TARS1: variants seen among roughly 807,000 people sequenced by gnomAD.
The protein encoded by TARS1 is threonyl-tRNA synthetase 1.
Under a neutral mutation model 97.7 loss-of-function variants are expected in TARS1, and 57 were observed. The observed-to-expected ratio is 0.58, with a 90% CI of 0.47 to 0.73. The LOEUF (loss-of-function observed/expected upper bound fraction) is 0.73. Ranked by LOEUF, TARS1 falls within the 30% of genes least tolerant of loss-of-function variation. The pLI is 0.00. For synonymous variants in TARS1, 312 were observed against 293.7 expected, an observed-to-expected ratio of 1.06 and a Z score of -0.64; for missense variants, 806 against 888.3, an observed-to-expected ratio of 0.91 and a Z score of 1.18.
At chr5:33,458,864 G>A (rs1231200474) in intron 10 of TARS1, among the ~76,000 whole-genome samples, 200 bp downstream of exon 10, 2 of 152,172 alleles carry the variant, frequency 1.3e-5, no homozygotes, top group Non-Finnish European at 2.9e-5. Context: ...TGAGCTTGAA[G>A]GGGGACCTGT....
chr5:33,461,561 A>G (rs1742292548), intron 13 of TARS1, 106 bp from the exon 14 acceptor site: 5 of 1,191,086 alleles, frequency 4.2e-6, no homozygotes, highest in Admixed American at 2.2e-5. Flanking sequence ...TCTAAAGCAG[A>G]GAATATTGAT....
upstream of TARS1, chr5:33,440,947 G>C: frequency 1.1e-6 from 1 of 914,554 alleles, no homozygotes; most frequent in Non-Finnish European, 1.7e-6. Context: ...AGTTGGGGGC[G>C]GGGTTAGGGC....
At chr5:33,443,390 A>G (rs1648891345) in intron 1 of TARS1, among the ~76,000 whole-genome samples, 1 of 149,652 alleles carries the variant, frequency 6.7e-6, no homozygotes, top group South Asian at 2.1e-4. Flanking sequence ...GCAAATGGTC[A>G]AAACCAAAAT....
At chr5:33,464,935 G>A (rs750498453) in intron 17 of TARS1, among the ~76,000 whole-genome samples, 7 of 152,100 alleles carry the variant, frequency 4.6e-5, no homozygotes, top group Admixed American at 3.3e-4. Context: ...GCGCAGTGGC[G>A]GGCACCTGTA....
chr5:33,452,642 C>G (rs1285950144), intron 3 of TARS1, among the ~76,000 whole-genome samples: 4 of 151,952 alleles, frequency 2.6e-5, no homozygotes, highest in Non-Finnish European at 5.9e-5. Context: ...TTCATTTTAC[C>G]TCTATATTTG....
chr5:33,442,437 A>G (rs1741156976), intron 1 of TARS1, among the ~76,000 whole-genome samples: 1 of 148,506 alleles, frequency 6.7e-6, no homozygotes, highest in African/African-American at 2.5e-5. Flanking sequence ...ACACATATGT[A>G]ATTTTTCCTT....
intron 1 of TARS1, among the ~76,000 whole-genome samples, chr5:33,444,471 T>C (rs10941055): frequency 0.51 from 77,607 of 152,092 alleles, 21,084 homozygotes; most frequent in East Asian, 0.75. Context: ...TTAAAATCCC[T>C]GTTTACATTC....
intron 2 of TARS1, among the ~76,000 whole-genome samples, chr5:33,446,938 T>C (rs1293418534): frequency 1.3e-5 from 2 of 152,156 alleles, no homozygotes; most frequent in African/African-American, 4.8e-5. Flanking sequence ...TGAAAAGCTC[T>C]CAACAACTGA....
At chr5:33,444,359 C>T (rs1741303900) in intron 1 of TARS1, among the ~76,000 whole-genome samples, 1 of 152,146 alleles carries the variant, frequency 6.6e-6, no homozygotes, top group Non-Finnish European at 1.5e-5. Flanking sequence ...CAGTGAATAC[C>T]TAAAAACCAT....
At chr5:33,443,467 TTTTC>T (rs1261921982) in intron 1 of TARS1, among the ~76,000 whole-genome samples, 1 of 144,152 alleles carries the variant, frequency 6.9e-6, no homozygotes, top group African/African-American at 2.6e-5. Context: ...GACCTGCAAT[TTTTC>T]TTTCTTTTTT....
chr5:33,443,368 C>A (rs1350791264), intron 1 of TARS1, among the ~76,000 whole-genome samples: 1 of 134,004 alleles, frequency 7.5e-6, no homozygotes, highest in African/African-American at 3.0e-5. Flanking sequence ...TCTCACTACC[C>A]CTGTTCATTT....
At chr5:33,464,978 A>T (rs189619615) in intron 17 of TARS1, among the ~76,000 whole-genome samples, 2 of 152,268 alleles carry the variant, frequency 1.3e-5, no homozygotes. Flanking sequence ...AGGCAGGAGA[A>T]TGGAATGAAC....
rs1332133617 is a variant in TARS1 at position 33,467,822 on chromosome 5, T to A, written c.*114T>A. On this transcript the variant is annotated 3_prime_UTR_variant, in exon 19 of 19. Coordinates refer to ENST00000265112, the MANE Select transcript of TARS1 (RefSeq NM_152295.5). ...TTGAACTTGGAGGAGTTTGGCAAAG[T>A]CTGAATAGGTCAACCTGCAGGCGTA... 1.7e-6 allele frequency: 2 copies of A among 1,158,126 alleles called. No individual in the cohort carries two copies. The highest frequency in any genetic ancestry group is 2.4e-6 in the Non-Finnish European group (2 of 846,534). The allele number at this position is 1,158,126 out of a possible 1,614,324, so 71.7% of individuals were successfully genotyped here.
intron 2 of TARS1, chr5:33,446,694 C>G: frequency 7.8e-7 from 1 of 1,289,304 alleles, no homozygotes; most frequent in South Asian, 1.2e-5. Flanking sequence ...GATTTTGACA[C>G]GAAATTCTAA....
Position 33,456,016 on chromosome 5 carries a change from A to G in TARS1, c.708A>G (p.Lys236=), listed in dbSNP as rs948663895. 2.5e-6 allele frequency: 4 copies of G among 1,613,748 alleles called. No homozygotes were observed. In the African/African-American group the frequency reaches 5.3e-5, roughly 22 times the overall value. ...LLAMFKYNKF[K]CRILNEKVNT... ...CCTGTTTTCAGTACAACAAGTTCAA[A>G]TGCCGGATATTGAATGAAAAGGTGA... is the stretch of plus-strand genomic sequence containing the variant. Residue 236 remains lysine, a synonymous_variant, in exon 7 of 19, where the codon AAA becomes AAG. Coordinates refer to ENST00000265112, the MANE Select transcript of TARS1 (RefSeq NM_152295.5).
chr5:33,459,600 C>A, intron 10 of TARS1, 95 bp from the exon 11 acceptor site: 1 of 1,404,174 alleles, frequency 7.1e-7, no homozygotes, highest in Non-Finnish European at 9.8e-7. Context: ...CCATCTTTTT[C>A]ATGAGAGAGT....
At chr5:33,448,436 AT>A in intron 2 of TARS1, 104 bp from the exon 3 acceptor site, 1 of 963,106 alleles carries the variant, frequency 1.0e-6, no homozygotes, top group Non-Finnish European at 1.5e-6. Flanking sequence ...CATTGAATCA[AT>A]AGTCCTGGGT....
At chr5:33,462,346 T>TA in intron 16 of TARS1, 143 bp downstream of exon 16, 1 of 733,182 alleles carries the variant, frequency 1.4e-6, no homozygotes, top group Non-Finnish European at 2.2e-6. Flanking sequence ...CATTAAAAAA[T>TA]AAGGAATCAC....
chr5:33,466,769 T>G (rs551304721), intron 17 of TARS1, 102 bp from the exon 18 acceptor site: 10 of 673,480 alleles, frequency 1.5e-5, no homozygotes, highest in Middle Eastern at 5.5e-4. Context: ...TTCCTGGAAG[T>G]TCATCCAAGA....
Sources: allele counts gnomAD v4.1 joint callset (sites outside exome capture counted in the v4.1 genomes callset), GRCh38; gene constraint gnomAD v4.1.1; transcripts MANE v1.5; gene names NCBI Gene and HGNC (gene_info 2026-07-23, HGNC 2026-07-21).